VWF: variants seen among roughly 807,000 people sequenced by gnomAD.
The protein encoded by VWF is von Willebrand factor.
Under a neutral mutation model 308.6 loss-of-function variants are expected in VWF, and 176 were observed. The observed-to-expected ratio is 0.57, with a 90% CI of 0.50 to 0.65. The LOEUF is 0.65. Ranked by LOEUF, VWF falls within the 30% of genes least tolerant of loss-of-function variation. VWF has a pLI of 0.00. For synonymous variants in VWF, 1,385 were observed against 1,443.4 expected (o/e 0.96, Z 0.92); for missense variants, 3,146 against 3,648.2 (o/e 0.86, Z 3.55).
intron 39 of VWF, 25 bp downstream of exon 39, chr12:5,985,538 G>A: frequency 2.5e-6 from 4 of 1,609,544 alleles, no homozygotes; most frequent in Non-Finnish European, 3.4e-6. Flanking sequence ...CTCCATGAAG[G>A]CACCAGGGAG....
At chr12:6,039,989 G>A (rs1468204956) in intron 18 of VWF, among the ~76,000 whole-genome samples, 2 of 152,190 alleles carry the variant, frequency 1.3e-5, no homozygotes, top group African/African-American at 4.8e-5. Flanking sequence ...TGGTCTCAGA[G>A]TCAGGAGACC....
intron 5 of VWF, among the ~76,000 whole-genome samples, chr12:6,109,791 C>T (rs912194467): frequency 2.6e-5 from 4 of 152,192 alleles, no homozygotes; most frequent in Non-Finnish European, 4.4e-5. Context: ...GCTGGAACTA[C>T]AGGCACCCGC....
rs570778677 is a variant in VWF, at chr12:6,029,183, G to A, written c.2967+159C>T. ...GAAGGCCATTACATAATGGTAAAGG[G>A]ATCAATTCAACAAGAAGAGCTAACT... On this transcript the variant is annotated intron_variant, in intron 22 of 51. Transcript: ENST00000261405. 2.6e-5 allele frequency among the ~76,000 whole-genome samples: 4 copies of A among 152,130 alleles called. No individual in the cohort carries two copies. The South Asian group carries it at 8.3e-4, about 32-fold the overall frequency.
At chr12:5,979,770 G>A (rs374863348) in intron 42 of VWF, among the ~76,000 whole-genome samples, 6 of 150,348 alleles carry the variant, frequency 4.0e-5, no homozygotes, top group African/African-American at 1.2e-4. Flanking sequence ...GGCCAGGCAC[G>A]GTGGTTCATG....
chr12:5,996,174 T>C lies in VWF; in HGVS notation c.5891A>G (p.Gln1964Arg), dbSNP rs1384938802. The C allele has an allele frequency of 6.2e-7, 1 of 1,613,974 alleles. No individual in the cohort carries two copies. The highest frequency in any genetic ancestry group is 1.3e-5 in the African/African-American group (1 of 74,938). Residue 1964 changes from glutamine (Q) to arginine (R), a missense_variant, in exon 35 of 52, where the codon CAG becomes CGG. Gln to Arg is a conservative substitution (Grantham distance 43). Transcript: ENST00000261405. ...ACAGCTGCCAGTCAGCTTGAAATTC[T>C]GCCCATCAAAGGTCACGATGTGCCG... is the stretch of plus-strand genomic sequence containing the variant. ...STRHIVTFDG[Q>R]NFKLTGSCSY...
chr12:6,107,447 T>A (rs553267787), intron 5 of VWF, among the ~76,000 whole-genome samples: 57 of 152,136 alleles, frequency 3.7e-4, no homozygotes, highest in Middle Eastern at 3.4e-3. Context: ...AGAACAATAA[T>A]AAAATAGAGC....
intron 21 of VWF, among the ~76,000 whole-genome samples, chr12:6,030,901 C>T (rs1038513533): frequency 1.3e-5 from 2 of 152,076 alleles, no homozygotes; most frequent in African/African-American, 4.8e-5. Flanking sequence ...CGGTGGTGTA[C>T]ACCTGTAGTC....
At chr12:5,972,335 G>T (rs1565814417) in intron 43 of VWF, among the ~76,000 whole-genome samples, 1 of 152,172 alleles carries the variant, frequency 6.6e-6, no homozygotes, top group African/African-American at 2.4e-5. Context: ...CCTCTAGAAG[G>T]TCCTCCAATC....
At position 5,996,228 on chromosome 12, in the gene VWF, C is replaced by A. The variant is rs756958446; in HGVS notation, c.5843-6G>T. On this transcript the variant is annotated splice_polypyrimidine_tract_variant and splice_region_variant and intron_variant, in intron 34 of 51. Coordinates refer to ENST00000261405, the MANE Select transcript of VWF (RefSeq NM_000552.5). The stretch of plus-strand genomic sequence containing the variant: ...GGAGCTGCCTGTGCACACGCCTGGA[C>A]AGAGAGAAGCAGAGGATGGATGCGA... The A allele has an allele frequency of 2.5e-6, 4 of 1,606,416 alleles. No individual in the cohort carries two copies. Among genetic ancestry groups the A allele is most frequent in the Non-Finnish European group, 3.4e-6 (4 of 1,176,414 alleles).
chr12:6,106,163 A>C (rs756766377), intron 5 of VWF, among the ~76,000 whole-genome samples: 21 of 152,350 alleles, frequency 1.4e-4, no homozygotes, highest in Non-Finnish European at 2.6e-4. Flanking sequence ...CTGATGGATA[A>C]ATGGATAAGC....
intron 38 of VWF, among the ~76,000 whole-genome samples, chr12:5,986,418 C>T (rs1357326188): frequency 6.6e-6 from 1 of 152,228 alleles, no homozygotes; most frequent in Non-Finnish European, 1.5e-5. Flanking sequence ...CCTCTGGATT[C>T]AGCCATAAAG....
At chr12:6,092,616 A>AGAGAGAGAGTGTGTGT (rs1555073710) in intron 6 of VWF, among the ~76,000 whole-genome samples, 1 of 96,622 alleles carries the variant, frequency 1.0e-5, no homozygotes, top group Admixed American at 9.5e-5. Context: ...TGAGTGAGTG[A>AGAGAGAGAGTGTGTGT]GAGTGTGTGT....
chr12:6,087,390 A>G (rs1187224560), intron 6 of VWF, among the ~76,000 whole-genome samples: 5 of 124,284 alleles, frequency 4.0e-5, no homozygotes, highest in South Asian at 2.6e-4. Flanking sequence ...ACAGAGTCTC[A>G]CCCTGTCGCC....
chr12:6,091,589 G>C (rs1591912037), intron 6 of VWF, among the ~76,000 whole-genome samples: 1 of 152,144 alleles, frequency 6.6e-6, no homozygotes, highest in Non-Finnish European at 1.5e-5. Flanking sequence ...TGTTGCCCAG[G>C]CTGGAGTGCA....
intron 16 of VWF, among the ~76,000 whole-genome samples, chr12:6,050,735 A>G (rs1037043465): frequency 2.0e-5 from 3 of 152,166 alleles, no homozygotes; most frequent in Non-Finnish European, 2.9e-5. Flanking sequence ...CGAGGCGGGC[A>G]GATCATTTGA....
rs539115085 is a variant in VWF at position 6,005,179 on chromosome 12, T to C, written c.5842+6438A>G. On this transcript the variant is annotated intron_variant, in intron 34 of 51. Transcript: ENST00000261405. ...AGACAATAAAACATACCATAAAGCC[T>C]TTAATGACAAAATATTAGAGGTATT... Among the ~76,000 whole-genome samples the C allele has an allele frequency of 4.6e-5, 7 of 152,310 alleles. No homozygotes were observed. The East Asian group carries it at 1.3e-3, about 29-fold the overall frequency.
chr12:5,985,429 G>T, intron 39 of VWF, 134 bp downstream of exon 39: 1 of 1,024,494 alleles, frequency 9.8e-7, no homozygotes, highest in Non-Finnish European at 1.5e-6. Context: ...GGCTGGGCAA[G>T]GAAGCCCACC....
At chr12:6,096,700 G>A (rs1945109209) in intron 5 of VWF, among the ~76,000 whole-genome samples, 1 of 152,202 alleles carries the variant, frequency 6.6e-6, no homozygotes. Flanking sequence ...TAGTGCTCAT[G>A]CTACTGTCAG....
intron 6 of VWF, among the ~76,000 whole-genome samples, chr12:6,092,624 T>TGAGAGTGTGTGA (rs1180180618): frequency 4.6e-5 from 4 of 87,014 alleles, no homozygotes; most frequent in African/African-American, 2.6e-4. Flanking sequence ...TGAGAGTGTG[T>TGAGAGTGTGTGA]GTGTGTGTGT....
Sources: gnomAD v4.1 joint callset for allele counts (sites outside exome capture counted in the v4.1 genomes callset) on GRCh38, gnomAD v4.1.1 for gene constraint, MANE v1.5 for transcripts, NCBI Gene and HGNC (gene_info 2026-07-23, HGNC 2026-07-21) for gene names.